The following LARS2 variants were observed in gnomAD, a reference collection of about 807,000 sequenced individuals.
The protein encoded by LARS2 is leucyl-tRNA synthetase 2, mitochondrial.
Under a neutral mutation model 116.6 loss-of-function variants are expected in LARS2, and 81 were observed. The ratio of observed to expected loss-of-function variants is 0.69; its 90% CI spans 0.58 to 0.84. The LOEUF is 0.84. Ranked by LOEUF, LARS2 falls within the 40% of genes least tolerant of loss-of-function variation. The probability of loss-of-function intolerance (pLI) is 0.00; values close to 1 mark genes in which losing one functional copy is unlikely to be tolerated. For missense variants in LARS2, 968 were observed against 1,114.5 expected (o/e 0.87, Z 1.87); for synonymous variants, 396 against 407.2 (o/e 0.97, Z 0.33).
chr3:45,422,842 C>A (rs1698536914), intron 6 of LARS2, among the ~76,000 whole-genome samples: 1 of 151,988 alleles, frequency 6.6e-6, no homozygotes, highest in African/African-American at 2.4e-5. Context: ...TTTATAGATA[C>A]AATTAATTGA....
chr3:45,533,497 T>C (rs1160073299), intron 20 of LARS2, among the ~76,000 whole-genome samples: 2 of 152,224 alleles, frequency 1.3e-5, no homozygotes, highest in Non-Finnish European at 2.9e-5. Flanking sequence ...TAGTCTTTTC[T>C]ATAAAACAAT....
chr3:45,453,435 T>G (rs923080592), intron 7 of LARS2, among the ~76,000 whole-genome samples: 1 of 152,234 alleles, frequency 6.6e-6, no homozygotes, highest in African/African-American at 2.4e-5. Flanking sequence ...TTTATGAGTC[T>G]GTCTTTAGCT....
At chr3:45,430,175 G>A (rs1698672543) in intron 6 of LARS2, among the ~76,000 whole-genome samples, 1 of 150,478 alleles carries the variant, frequency 6.6e-6, no homozygotes, top group Non-Finnish European at 1.5e-5. Context: ...GGGTTTCACT[G>A]TGTTAGCCAG....
At chr3:45,484,845 T>C (rs927613045) in intron 10 of LARS2, among the ~76,000 whole-genome samples, 3 of 138,342 alleles carry the variant, frequency 2.2e-5, no homozygotes, top group African/African-American at 6.5e-5. Context: ...AATGTCTTCC[T>C]TTTTTTTTCA....
At chr3:45,414,925 G>A (rs1398676088) in intron 4 of LARS2, among the ~76,000 whole-genome samples, 1 of 152,176 alleles carries the variant, frequency 6.6e-6, no homozygotes, top group Non-Finnish European at 1.5e-5. Context: ...TTCAGTTTCA[G>A]AGAATGGTAG....
At chr3:45,422,910 T>G (rs796856057) in intron 6 of LARS2, among the ~76,000 whole-genome samples, 2 of 152,218 alleles carry the variant, frequency 1.3e-5, no homozygotes, top group South Asian at 4.1e-4. Context: ...TTGGAGTCTT[T>G]GTGTTTAATA....
chr3:45,545,804 C>T (rs1296984024), intron 21 of LARS2, among the ~76,000 whole-genome samples: 1 of 151,306 alleles, frequency 6.6e-6, no homozygotes, highest in East Asian at 2.0e-4. Context: ...AGAAATGGGT[C>T]ATTGTTGTGC....
intron 6 of LARS2, among the ~76,000 whole-genome samples, chr3:45,433,350 A>G (rs960949942): frequency 6.6e-6 from 1 of 152,042 alleles, no homozygotes; most frequent in Non-Finnish European, 1.5e-5. Context: ...TTCTATGAGT[A>G]AATTGAACCT....
chr3:45,483,546 G>A (rs1434642739), intron 10 of LARS2, among the ~76,000 whole-genome samples: 1 of 152,168 alleles, frequency 6.6e-6, no homozygotes, highest in East Asian at 1.9e-4. Flanking sequence ...CTACTTGGGT[G>A]GCTGAAGCAC....
Position 45,485,772 on chromosome 3 carries a change from G to A in LARS2, c.1099G>A (p.Glu367Lys). 1.9e-6 allele frequency: 3 copies of A among 1,610,392 alleles called. No homozygotes were observed. The highest frequency in any genetic ancestry group is 2.5e-6 in the Non-Finnish European group (3 of 1,177,536). The change falls in exon 11 of 22, where the codon GAA (glutamate) becomes AAA (lysine). Residue 367 changes from glutamate to lysine, a missense_variant. Transcript: ENST00000645846. ...PVVILAKADL[E>K]GSLDSKIGIP... ...CGTTATTTTGGCCAAAGCTGACTTG[G>A]AAGGCTCTCTGGATTCAAAAATAGG...
At chr3:45,523,894 TC>T (rs1700492606) in intron 19 of LARS2, 102 bp from the exon 20 acceptor site, 1 of 797,342 alleles carries the variant, frequency 1.3e-6, no homozygotes, top group Non-Finnish European at 2.1e-6. Context: ...GGGGGTTTCT[TC>T]CTACCAGCTT....
chr3:45,501,722 G>A (rs1005425872), intron 15 of LARS2, among the ~76,000 whole-genome samples: 19 of 152,136 alleles, frequency 1.2e-4, no homozygotes, highest in African/African-American at 4.3e-4. Context: ...TGTAGGATAC[G>A]CACGTGTTCA....
chr3:45,421,799 A>C (rs1464098), intron 6 of LARS2: 134,044 of 152,358 alleles, frequency 0.88, 61,487 homozygotes, highest in East Asian at 1. Context: ...CTTCACCTAA[A>C]CTACCTTAAA....
chr3:45,479,519 A>G (rs1699663635), intron 10 of LARS2, among the ~76,000 whole-genome samples: 1 of 152,182 alleles, frequency 6.6e-6, no homozygotes, highest in African/African-American at 2.4e-5. Context: ...TAGCTGGCCA[A>G]CTGGGTTGCC....
At chr3:45,510,200 C>G (rs1443961238) in intron 15 of LARS2, among the ~76,000 whole-genome samples, 1 of 151,974 alleles carries the variant, frequency 6.6e-6, no homozygotes, top group African/African-American at 2.4e-5. Flanking sequence ...ATTGCTTGAG[C>G]TCAGGAGTTC....
At chr3:45,476,039 T>C (rs1327152823) in intron 9 of LARS2, among the ~76,000 whole-genome samples, 1 of 148,900 alleles carries the variant, frequency 6.7e-6, no homozygotes, top group East Asian at 2.0e-4. Flanking sequence ...TTGGCACCTG[T>C]TTTTCTTGTT....
chr3:45,546,048 C>T (rs114813622), intron 21 of LARS2, among the ~76,000 whole-genome samples: 1,671 of 152,204 alleles, frequency 0.011, 27 homozygotes, highest in African/African-American at 0.038. Context: ...CATGAGAGCA[C>T]CATGCTCCCC....
chr3:45,431,560 G>A (rs943654833), intron 6 of LARS2, among the ~76,000 whole-genome samples: 2 of 152,174 alleles, frequency 1.3e-5, no homozygotes, highest in Admixed American at 1.3e-4. Flanking sequence ...GGCAGTTCAT[G>A]TATGTTACTG....
At chr3:45,475,878 C>T (rs186044822) in intron 9 of LARS2, among the ~76,000 whole-genome samples, 2 of 152,352 alleles carry the variant, frequency 1.3e-5, no homozygotes, top group Admixed American at 1.3e-4. Context: ...CACCTGTCCA[C>T]TCTGTGTCCT....
Sources: allele counts gnomAD v4.1 joint callset (sites outside exome capture counted in the v4.1 genomes callset), GRCh38; gene constraint gnomAD v4.1.1; transcripts MANE v1.5; gene names NCBI Gene and HGNC (gene_info 2026-07-23, HGNC 2026-07-21).